Variants in ESRRG observed in about 807,000 individuals in gnomAD.
ESRRG encodes estrogen-related receptor gamma.
ESRRG carries 13 observed loss-of-function variants against 44.0 expected under a neutral mutation model. The observed-to-expected ratio is 0.30, with a 90% CI of 0.19 to 0.47. The LOEUF (loss-of-function observed/expected upper bound fraction) is 0.47. Among genes scored for constraint, ESRRG ranks in the 20% least tolerant of loss-of-function variants. The pLI is 1.00. For missense variants in ESRRG, 395 were observed against 580.6 expected, an observed-to-expected ratio of 0.68 and a Z score of 3.29; for synonymous variants, 215 against 214.6, an observed-to-expected ratio of 1.00 and a Z score of -0.02.
chr1:216,734,296 T>C (rs2089458278), intron 2 of ESRRG, among the ~76,000 whole-genome samples: 1 of 152,172 alleles, frequency 6.6e-6, no homozygotes, highest in South Asian at 2.1e-4. Flanking sequence ...TTGATATGGT[T>C]TGGCTATTTT....
chr1:216,824,829 G>A (rs931803176), intron 2 of ESRRG, among the ~76,000 whole-genome samples: 9 of 152,214 alleles, frequency 5.9e-5, no homozygotes, highest in African/African-American at 1.9e-4. Context: ...TTTTATCTGA[G>A]AAATGAAGAT....
At chr1:216,812,299 G>T (rs367740202) in intron 2 of ESRRG, among the ~76,000 whole-genome samples, 5 of 151,972 alleles carry the variant, frequency 3.3e-5, no homozygotes, top group African/African-American at 1.2e-4. Flanking sequence ...GGAAATTTTT[G>T]CTTTTATTGA....
At chr1:216,873,220 T>TTTTG (rs2096284118) in intron 2 of ESRRG, among the ~76,000 whole-genome samples, 1 of 147,440 alleles carries the variant, frequency 6.8e-6, no homozygotes, top group Non-Finnish European at 1.5e-5. Flanking sequence ...TTTTTTTTTT[T>TTTTG]TTTTTTTTTT....
At chr1:216,873,057 C>G (rs2096280308) in intron 2 of ESRRG, among the ~76,000 whole-genome samples, 1 of 152,066 alleles carries the variant, frequency 6.6e-6, no homozygotes, top group Admixed American at 6.6e-5. Context: ...TGCAGTTATT[C>G]AGATTTTTCC....
chr1:216,990,473 A>C (rs915730667), intron 1 of ESRRG, among the ~76,000 whole-genome samples: 1 of 152,096 alleles, frequency 6.6e-6, no homozygotes, highest in Non-Finnish European at 1.5e-5. Flanking sequence ...TAAAGAGTTA[A>C]TTTCATATAG....
intron 1 of ESRRG, among the ~76,000 whole-genome samples, chr1:216,683,619 C>A (rs533678195): frequency 6.6e-6 from 1 of 152,250 alleles, no homozygotes; most frequent in Admixed American, 6.5e-5. Flanking sequence ...AAAGCTCTCC[C>A]AACTCTGTAA....
chr1:216,558,281 C>A (rs535295679), intron 5 of ESRRG, among the ~76,000 whole-genome samples: 1 of 152,114 alleles, frequency 6.6e-6, no homozygotes, highest in African/African-American at 2.4e-5. Flanking sequence ...TATTTCGATG[C>A]CATAGTTGTG....
intron 1 of ESRRG, among the ~76,000 whole-genome samples, chr1:216,949,854 C>T (rs2066668177): frequency 6.6e-6 from 1 of 151,634 alleles, no homozygotes. Flanking sequence ...GATCTGTCAC[C>T]CAGGCTGGAG....
intron 2 of ESRRG, among the ~76,000 whole-genome samples, chr1:216,869,069 A>C (rs956077056): frequency 3.9e-5 from 6 of 152,148 alleles, no homozygotes; most frequent in Non-Finnish European, 8.8e-5. Flanking sequence ...ATTTTGTTGG[A>C]GACCAATTTA....
chr1:216,583,931 A>G (rs1343324779), intron 3 of ESRRG, among the ~76,000 whole-genome samples: 1 of 152,160 alleles, frequency 6.6e-6, no homozygotes, highest in Non-Finnish European at 1.5e-5. Flanking sequence ...ACATCATGGG[A>G]AAGACTTGAA....
At chr1:216,526,205 T>A (rs141921369) in intron 5 of ESRRG, among the ~76,000 whole-genome samples, 153 of 152,220 alleles carry the variant, frequency 1.0e-3, no homozygotes, top group African/African-American at 3.5e-3. Context: ...CCTGTGATGA[T>A]CTGACTTGTG....
intron 5 of ESRRG, among the ~76,000 whole-genome samples, chr1:216,523,943 T>G (rs1443647963): frequency 6.6e-6 from 1 of 151,992 alleles, no homozygotes; most frequent in Non-Finnish European, 1.5e-5. Context: ...ATGAAGTTCA[T>G]TTTGAGAAGC....
chr1:216,618,314 GC>G (rs1201744742), intron 3 of ESRRG, among the ~76,000 whole-genome samples: 1 of 152,170 alleles, frequency 6.6e-6, no homozygotes, highest in African/African-American at 2.4e-5. Flanking sequence ...CATTCACACT[GC>G]CTTTTTGGAC....
chr1:217,025,047 C>A (rs2080966614), intron 1 of ESRRG, among the ~76,000 whole-genome samples: 2 of 152,184 alleles, frequency 1.3e-5, no homozygotes, highest in African/African-American at 2.4e-5. Flanking sequence ...TCACCACCTT[C>A]CTCGTTATCC....
chr1:216,723,435 C>T, upstream of ESRRG: 1 of 747,934 alleles, frequency 1.3e-6, no homozygotes, highest in Non-Finnish European at 2.3e-6. Flanking sequence ...AGCTCTCACA[C>T]TCTCCTAATC....
At chr1:216,598,435 C>T (rs536787795) in intron 3 of ESRRG, among the ~76,000 whole-genome samples, 4 of 152,208 alleles carry the variant, frequency 2.6e-5, no homozygotes, top group South Asian at 4.2e-4. Context: ...CAACAAAAAT[C>T]GCTGAAAGAA....
chr1:216,525,484 G>A (rs923855819), intron 5 of ESRRG, among the ~76,000 whole-genome samples: 13 of 149,742 alleles, frequency 8.7e-5, no homozygotes, highest in East Asian at 1.9e-4. Context: ...AAAAAATGTG[G>A]GGGGGCATGG....
At chr1:216,800,766 C>A (rs2094590296) in intron 2 of ESRRG, among the ~76,000 whole-genome samples, 1 of 152,044 alleles carries the variant, frequency 6.6e-6, no homozygotes, top group African/African-American at 2.4e-5. Context: ...CAAACTCATC[C>A]CTACATGAGT....
At chr1:216,613,552 G>A (rs2150348014) in intron 3 of ESRRG, among the ~76,000 whole-genome samples, 2 of 152,288 alleles carry the variant, frequency 1.3e-5, no homozygotes, top group South Asian at 4.1e-4. Flanking sequence ...ACCACGTAAA[G>A]CCTCATAATA....
Sources: gnomAD v4.1 joint callset for allele counts (sites outside exome capture counted in the v4.1 genomes callset) on GRCh38, gnomAD v4.1.1 for gene constraint, MANE v1.5 for transcripts, NCBI Gene and HGNC (gene_info 2026-07-23, HGNC 2026-07-21) for gene names.